ITSN1: variants seen among roughly 807,000 people sequenced by gnomAD.
ITSN1 encodes the protein intersectin-1.
In ITSN1, 58 loss-of-function variants were observed where a neutral mutation model predicts 239.8. The ratio of observed to expected loss-of-function variants is 0.24; its 90% CI spans 0.20 to 0.30. The LOEUF (loss-of-function observed/expected upper bound fraction) is 0.30, where lower values mean the gene tolerates loss of function less well. Among genes scored for constraint, ITSN1 ranks in the 10% least tolerant of loss-of-function variants. The pLI is 1.00. For missense variants in ITSN1, 1,558 were observed against 2,103.3 expected (o/e 0.74, Z 5.07); for synonymous variants, 780 against 770.8 (o/e 1.01, Z -0.20).
intron 1 of ITSN1, among the ~76,000 whole-genome samples, chr21:33,689,995 A>G (rs1057082877): frequency 6.6e-6 from 1 of 151,624 alleles, no homozygotes; most frequent in Non-Finnish European, 1.5e-5. Context: ...ATTAAAAAAA[A>G]AAATAAGGCC....
At position 33,891,050 on chromosome 21, in the gene ITSN1, A is replaced by C. The variant is rs1986328319; in HGVS notation, c.*2750A>C. The stretch of plus-strand genomic sequence containing the variant: ...CTTCTTCACAGAGCAGTTCTCTAGA[A>C]GGCAGAGTCCACATCCTGGTCCCTC... On this transcript the variant is annotated 3_prime_UTR_variant, in exon 40 of 40. Transcript: ENST00000381318. The C allele has an allele frequency of 6.6e-6, 1 of 152,324 alleles. No individual in the cohort carries two copies. The highest frequency in any genetic ancestry group is 1.5e-5 in the Non-Finnish European group (1 of 68,116). The allele number at this position is 152,324 out of a possible 1,614,324, so 9.4% of individuals were successfully genotyped here.
At chr21:33,678,059 C>G (rs942510114) in intron 1 of ITSN1, among the ~76,000 whole-genome samples, 2 of 152,206 alleles carry the variant, frequency 1.3e-5, no homozygotes, top group African/African-American at 4.8e-5. Flanking sequence ...CCAAGCCTTA[C>G]TATAAAAGAT....
At chr21:33,825,060 G>T (rs1484303196) in intron 25 of ITSN1, among the ~76,000 whole-genome samples, 1 of 152,152 alleles carries the variant, frequency 6.6e-6, no homozygotes, top group African/African-American at 2.4e-5. Context: ...TTCTACTACC[G>T]TGCATGAAAA....
chr21:33,660,926 G>A (rs1258652671), intron 1 of ITSN1, among the ~76,000 whole-genome samples: 1 of 152,170 alleles, frequency 6.6e-6, no homozygotes, highest in Non-Finnish European at 1.5e-5. Flanking sequence ...GGGTCACTGA[G>A]TTATGTAAAT....
At chr21:33,785,916 C>G (rs1459572979) in intron 16 of ITSN1, among the ~76,000 whole-genome samples, 1 of 152,082 alleles carries the variant, frequency 6.6e-6, no homozygotes. Flanking sequence ...CCACCCAAAC[C>G]AATAATTACT....
At chr21:33,848,706 G>C (rs113916533) in intron 29 of ITSN1, among the ~76,000 whole-genome samples, 93 of 152,312 alleles carry the variant, frequency 6.1e-4, no homozygotes, top group African/African-American at 2.0e-3. Flanking sequence ...CGTTCCACCT[G>C]AACGCCCATG....
chr21:33,800,606 T>C (rs539030898), intron 19 of ITSN1, among the ~76,000 whole-genome samples: 2 of 152,178 alleles, frequency 1.3e-5, no homozygotes, highest in Admixed American at 1.3e-4. Flanking sequence ...TGCTTTGTTA[T>C]TGTTTCTTTC....
At chr21:33,808,441 C>T (rs969710742) in intron 20 of ITSN1, among the ~76,000 whole-genome samples, 3 of 151,956 alleles carry the variant, frequency 2.0e-5, no homozygotes, top group Non-Finnish European at 2.9e-5. Context: ...AGAAATTAGC[C>T]AGGCGTGGTG....
intron 1 of ITSN1, among the ~76,000 whole-genome samples, chr21:33,656,933 C>T (rs2089141283): frequency 6.6e-6 from 1 of 152,102 alleles, no homozygotes; most frequent in Non-Finnish European, 1.5e-5. Context: ...GTTGGCCAGG[C>T]TGGTCACGAA....
chr21:33,680,069 A>G (rs973842912), intron 1 of ITSN1, among the ~76,000 whole-genome samples: 2 of 152,090 alleles, frequency 1.3e-5, no homozygotes, highest in African/African-American at 4.8e-5. Context: ...TGTCTTTTTC[A>G]TAACACTTTA....
chr21:33,742,812 T>C (rs1184097314), intron 5 of ITSN1, among the ~76,000 whole-genome samples: 1 of 152,012 alleles, frequency 6.6e-6, no homozygotes, highest in Non-Finnish European at 1.5e-5. Context: ...AAGGCTCACA[T>C]AAAAATGAGC....
At chr21:33,701,418 C>T (rs759925503) in intron 1 of ITSN1, among the ~76,000 whole-genome samples, 18 of 152,118 alleles carry the variant, frequency 1.2e-4, no homozygotes, top group Non-Finnish European at 2.6e-4. Context: ...AGCCACTGTG[C>T]CTGGCCTGTA....
At chr21:33,738,851 A>G (rs772972177) in intron 5 of ITSN1, among the ~76,000 whole-genome samples, 33 of 152,004 alleles carry the variant, frequency 2.2e-4, no homozygotes, top group Non-Finnish European at 3.5e-4. Context: ...CTAGAGTGCA[A>G]TGGCACGATC....
intron 1 of ITSN1, among the ~76,000 whole-genome samples, chr21:33,713,431 AC>A (rs2092472599): frequency 6.6e-6 from 1 of 151,446 alleles, no homozygotes; most frequent in African/African-American, 2.4e-5. Context: ...TTTAGTAGAG[AC>A]GGGGTTTCAC....
intron 1 of ITSN1, among the ~76,000 whole-genome samples, chr21:33,685,616 TAAAAAA>T (rs933917476): frequency 9.1e-6 from 1 of 109,306 alleles, no homozygotes; most frequent in Non-Finnish European, 1.9e-5. Context: ...CCTTTTTGAG[TAAAAAA>T]AAAAAAAAAA....
At chr21:33,846,399 C>G (rs550406660) in intron 29 of ITSN1, among the ~76,000 whole-genome samples, 1 of 152,252 alleles carries the variant, frequency 6.6e-6, no homozygotes. Context: ...CATAGATACT[C>G]TTACCTCCCC....
chr21:33,882,296 C>T lies in ITSN1; in HGVS notation c.4395C>T (p.His1465=). 6.2e-7 allele frequency: 1 copy of T among 1,614,170 alleles called. No individual in the cohort carries two copies. The highest frequency in any genetic ancestry group is 8.5e-7 in the Non-Finnish European group (1 of 1,180,030). Residue 1465 remains histidine (H), a synonymous_variant, in exon 35 of 40, where the codon CAC becomes CAT. Coordinates refer to ENST00000381318, the MANE Select transcript of ITSN1 (RefSeq NM_003024.3). The surrounding 1 kb of genome is among the most constrained non-coding windows in gnomAD (Gnocchi z 4.5). ...GCTTGGGGCCGCGCAAATTTCTGCA[C>T]AGTGGGAAGCTCTACAAGGCCAAGA... ...TNCLGPRKFL[H]SGKLYKAKSN...
chr21:33,677,145 T>C (rs2090642752), intron 1 of ITSN1, among the ~76,000 whole-genome samples: 1 of 151,628 alleles, frequency 6.6e-6, no homozygotes, highest in Non-Finnish European at 1.5e-5. Context: ...ACCCTAGAAC[T>C]TAAAGTATAA....
rs761617958 is a variant in ITSN1 at position 33,761,934 on chromosome 21, A to G, written c.736A>G (p.Arg246Gly). 6.2e-7 allele frequency: 1 copy of G among 1,613,372 alleles called. No homozygotes were observed. The change falls in exon 9 of 40, where the codon AGA (arginine) becomes GGA (glycine). Residue 246 changes from arginine to glycine, a missense_variant. By Grantham distance (125) the Arg-to-Gly change is moderately radical. Coordinates refer to ENST00000381318, the MANE Select transcript of ITSN1 (RefSeq NM_003024.3). Reference protein sequence around the residue: ...MSGHLTGPQARTILMQSSLPQ... With the variant: ...MSGHLTGPQAGTILMQSSLPQ... Reference sequence around the variant, plus strand: ...TGGTTCCTGTTTAGGTCCCCAAGCAAGAACTATTCTTATGCAGTCAAGTTT... The same window carrying G: ...TGGTTCCTGTTTAGGTCCCCAAGCAGGAACTATTCTTATGCAGTCAAGTTT...
Sources: gnomAD v4.1 joint callset for allele counts (sites outside exome capture counted in the v4.1 genomes callset) on GRCh38, gnomAD v4.1.1 for gene constraint, Gnocchi (gnomAD v3.1) non-coding constraint, MANE v1.5 for transcripts, NCBI Gene and HGNC (gene_info 2026-07-23, HGNC 2026-07-21) for gene names.